The following SLC7A9 variants were observed in gnomAD, a reference collection of about 807,000 sequenced individuals.
SLC7A9 encodes B(0,+)-type amino acid transporter 1.
Under a neutral mutation model 54.1 loss-of-function variants are expected in SLC7A9, and 38 were observed. That is an observed-to-expected ratio of 0.70 (90% CI 0.54 to 0.92). The LOEUF (loss-of-function observed/expected upper bound fraction) is 0.92. SLC7A9 is among the 40% of genes least tolerant of loss of function. The pLI is 0.00. For missense variants in SLC7A9, 537 were observed against 636.1 expected (o/e 0.84, Z 1.68); for synonymous variants, 264 against 258.9 (o/e 1.02, Z -0.19).
At chr19:32,853,694 A>T (rs1235094900) in intron 9 of SLC7A9, among the ~76,000 whole-genome samples, 3 of 152,236 alleles carry the variant, frequency 2.0e-5, no homozygotes, top group Non-Finnish European at 4.4e-5. Flanking sequence ...AGGCAGGTGG[A>T]TCACTTGAGG....
chr19:32,832,616 A>G (rs1360850548), intron 12 of SLC7A9, among the ~76,000 whole-genome samples: 2 of 146,800 alleles, frequency 1.4e-5, no homozygotes, highest in Admixed American at 6.8e-5. Context: ...AAAGAAAGAA[A>G]GAAAAAGAAA....
chr19:32,836,281 T>C (rs1967957785), intron 11 of SLC7A9, among the ~76,000 whole-genome samples: 1 of 152,010 alleles, frequency 6.6e-6, no homozygotes, highest in African/African-American at 2.4e-5. Context: ...ACTCCTGACC[T>C]CAAGTGATGC....
intron 2 of SLC7A9, among the ~76,000 whole-genome samples, 169 bp downstream of exon 2, chr19:32,868,278 GA>G (rs1969036940): frequency 6.6e-6 from 1 of 151,736 alleles, no homozygotes; most frequent in Admixed American, 6.6e-5. Flanking sequence ...TGGCGAGAGG[GA>G]AAGAGAAGTA....
At chr19:32,858,757 C>T (rs375350248) in intron 8 of SLC7A9, among the ~76,000 whole-genome samples, 5 of 114,966 alleles carry the variant, frequency 4.3e-5, no homozygotes, top group African/African-American at 1.2e-4. Context: ...CTACTACTCC[C>T]TGGCATAAAT....
chr19:32,858,627 A>T, intron 8 of SLC7A9, 84 bp from the exon 9 acceptor site: 3 of 1,051,452 alleles, frequency 2.9e-6, no homozygotes, highest in Non-Finnish European at 2.9e-6. Context: ...CTGGCCTCCC[A>T]GGGGACCCAG....
Position 32,862,574 on chromosome 19 carries a change from G to C in SLC7A9, c.491C>G (p.Thr164Arg). 2 of 1,614,046 alleles carry C rather than the reference G, an allele frequency of 1.2e-6. No homozygotes were observed. Among genetic ancestry groups the C allele is most frequent in the Non-Finnish European group, 1.7e-6 (2 of 1,180,038 alleles). The change falls in exon 5 of 13, where the codon ACA (threonine) becomes AGA (arginine). Residue 164 changes from threonine to arginine, a missense_variant. Transcript: ENST00000023064. ...LAAAAILFISTVNSLSVRLGS... is the reference protein window; with the variant it reads ...LAAAAILFISRVNSLSVRLGS... ...CAGCCGCACGCTCAGTGAGTTCACTGTCGAGATGAACACTGGAAGGGTGGG... is the reference window on the plus strand; with the variant it reads ...CAGCCGCACGCTCAGTGAGTTCACTCTCGAGATGAACACTGGAAGGGTGGG...
chr19:32,831,514 CT>C (rs1967792977), intron 12 of SLC7A9, among the ~76,000 whole-genome samples: 1 of 152,132 alleles, frequency 6.6e-6, no homozygotes, highest in Admixed American at 6.5e-5. Flanking sequence ...TGGTCTCGAT[CT>C]CCTGACCTCG....
intron 9 of SLC7A9, among the ~76,000 whole-genome samples, chr19:32,844,319 G>C (rs1968217156): frequency 6.6e-6 from 1 of 152,028 alleles, no homozygotes; most frequent in Admixed American, 6.6e-5. Context: ...TATTTGTGTT[G>C]GGAACATTCA....
intron 12 of SLC7A9, chr19:32,831,413 A>C (rs953262147): frequency 1.3e-5 from 2 of 152,038 alleles, no homozygotes; most frequent in Non-Finnish European, 2.9e-5. Flanking sequence ...CAGCCTCCTG[A>C]GTAGCTGGGA....
chr19:32,844,000 G>A (rs779920701), intron 9 of SLC7A9, 49 bp from the exon 10 acceptor site: 57 of 1,396,242 alleles, frequency 4.1e-5, no homozygotes, highest in Non-Finnish European at 5.2e-5. Flanking sequence ...CAGACCATCT[G>A]TCCAGGGCCA....
chr19:32,858,292 T>C, intron 9 of SLC7A9, 148 bp downstream of exon 9: 1 of 671,694 alleles, frequency 1.5e-6, no homozygotes, highest in Non-Finnish European at 2.7e-6. Flanking sequence ...TCAAGCTACA[T>C]CCCTTCTCTG....
At chr19:32,852,041 G>A (rs562046904) in intron 9 of SLC7A9, among the ~76,000 whole-genome samples, 1 of 152,188 alleles carries the variant, frequency 6.6e-6, no homozygotes, top group South Asian at 2.1e-4. Flanking sequence ...GGAGCGGGGA[G>A]GGATAGCATT....
At position 32,864,175 on chromosome 19, in the gene SLC7A9, G is replaced by A. The variant is rs35170371; in HGVS notation, c.399C>T (p.Ser133=). Residue 133 remains serine (S), a synonymous_variant, in exon 4 of 13, where the codon TCC becomes TCT. Transcript: ENST00000023064. ...TSFAIICLSF[S]EYVCAPFYVG... ...CATAGAAGGGCGCACACACATACTCGGAGAAGCTGAGGCAGATGATGGCGA... is the reference window on the plus strand; with the variant it reads ...CATAGAAGGGCGCACACACATACTCAGAGAAGCTGAGGCAGATGATGGCGA... The A allele has an allele frequency of 0.2, 318,927 of 1,614,024 alleles. 32,685 individuals carry two copies. Among genetic ancestry groups the A allele is most frequent in the African/African-American group, 0.29 (21,793 of 75,010 alleles).
Position 32,864,883 on chromosome 19 carries a change from C to T in SLC7A9, c.88-107G>A, listed in dbSNP as rs141738266. ...GGCCAGGGCGGCCCCAGCCAAAGCC[C>T]ATGTCCCAGGCGCTTCCACCCTGAG... On this transcript the variant is annotated intron_variant, in intron 2 of 12. Transcript: ENST00000023064. 448 of 1,473,920 alleles carry T rather than the reference C, an allele frequency of 3.0e-4. No individual in the cohort carries two copies. In the African/African-American group the frequency reaches 5.7e-3, roughly 19 times the overall value. 91.3% of individuals were successfully genotyped at this position (1,473,920 alleles called of 1,614,324 possible). A position where few individuals can be genotyped will look rare whatever the true frequency, so the allele number is the denominator to read the frequency against.
intron 6 of SLC7A9, 100 bp downstream of exon 6, chr19:32,862,018 C>T (rs1373204344): frequency 2.4e-6 from 2 of 828,510 alleles, no homozygotes; most frequent in East Asian, 2.4e-5. Flanking sequence ...CACACCAAAC[C>T]CCAGAAAGGA....
intron 9 of SLC7A9, among the ~76,000 whole-genome samples, chr19:32,850,167 G>A (rs1305280849): frequency 2.7e-5 from 4 of 148,986 alleles, no homozygotes; most frequent in African/African-American, 1.0e-4. Context: ...ACATAGTGTT[G>A]GAAGTTCTGG....
intron 9 of SLC7A9, among the ~76,000 whole-genome samples, chr19:32,853,556 T>C (rs1330060712): frequency 1.3e-5 from 2 of 152,204 alleles, no homozygotes; most frequent in Non-Finnish European, 2.9e-5. Flanking sequence ...AATGAAATTC[T>C]TTGGAATAAA....
rs373392618 is a variant in SLC7A9 at position 32,858,768 on chromosome 19, C to CTATATTTATTTATTTA, written c.874-226_874-225insTAAATAAATAAATATA. ...TTATCTACTACTCCCTGGCATAAAT[C>CTATATTTATTTATTTA]TTTATTTATTTATTTATTTATTTAT... On this transcript the variant is annotated intron_variant, in intron 8 of 12. Transcript: ENST00000023064. Among the ~76,000 whole-genome samples the CTATATTTATTTATTTA allele has an allele frequency of 0.013, 1,914 of 148,628 alleles. 44 individuals are homozygous for CTATATTTATTTATTTA. Among genetic ancestry groups the CTATATTTATTTATTTA allele is most frequent in the East Asian group, 0.075 (362 of 4,832 alleles).
intron 10 of SLC7A9, among the ~76,000 whole-genome samples, chr19:32,843,455 C>T (rs1225646706): frequency 1.3e-5 from 2 of 151,162 alleles, no homozygotes; most frequent in African/African-American, 4.9e-5. Flanking sequence ...AGCAAGACTC[C>T]GTATCAAAAA....
Sources: allele counts gnomAD v4.1 joint callset (sites outside exome capture counted in the v4.1 genomes callset), GRCh38; gene constraint gnomAD v4.1.1; transcripts MANE v1.5; gene names NCBI Gene and HGNC (gene_info 2026-07-23, HGNC 2026-07-21).